The following ZBTB7C variants were observed in gnomAD, a reference collection of about 807,000 sequenced individuals.
ZBTB7C encodes the protein zinc finger and BTB domain containing 7C, also known as zinc finger and BTB domain-containing protein 7C.
In ZBTB7C, 8 loss-of-function variants were observed where a neutral mutation model predicts 25.7. That is an observed-to-expected ratio of 0.31 (90% confidence interval 0.18 to 0.56). The LOEUF (loss-of-function observed/expected upper bound fraction) is 0.56. ZBTB7C is among the 20% of genes least tolerant of loss of function. ZBTB7C has a pLI of 0.91. For missense variants in ZBTB7C, 824 were observed against 855.2 expected, an observed-to-expected ratio of 0.96 and a Z score of 0.46; for synonymous variants, 394 against 369.0, an observed-to-expected ratio of 1.07 and a Z score of -0.78.
intron 3 of ZBTB7C, among the ~76,000 whole-genome samples, chr18:48,153,837 C>T (rs1294740202): frequency 2.6e-5 from 4 of 152,208 alleles, no homozygotes; most frequent in Admixed American, 6.5e-5. Flanking sequence ...TGGGAATACA[C>T]ACACTCTGTG....
intron 1 of ZBTB7C, among the ~76,000 whole-genome samples, chr18:48,368,746 G>T (rs899557949): frequency 3.3e-5 from 5 of 152,084 alleles, no homozygotes; most frequent in Non-Finnish European, 5.9e-5. Flanking sequence ...AGGACAGCAG[G>T]TTTCTCATCA....
intron 1 of ZBTB7C, among the ~76,000 whole-genome samples, chr18:48,367,970 A>AG (rs531701001): frequency 1.2e-5 from 1 of 82,526 alleles, no homozygotes; most frequent in Non-Finnish European, 2.7e-5. Context: ...ACTGGAGGAG[A>AG]AAAAAAAAAA....
At chr18:48,328,043 G>A (rs1366481361) in intron 2 of ZBTB7C, among the ~76,000 whole-genome samples, 13 of 151,950 alleles carry the variant, frequency 8.6e-5, no homozygotes, top group Middle Eastern at 3.4e-3. Flanking sequence ...TTAGCCGGGC[G>A]TGGTGGCGGG....
chr18:48,395,461 A>G lies in ZBTB7C; in HGVS notation c.-304+13765T>C, dbSNP rs868592022. On this transcript the variant is annotated intron_variant, in intron 1 of 4. Coordinates refer to ENST00000590800, the MANE Select transcript of ZBTB7C (RefSeq NM_001318841.2). Reference sequence around the variant, plus strand: ...ATGTGTGCATGTGTGTTCTATTCAAATGTGTGTGTGTGTGTGTGTGTGTGT... The same window carrying G: ...ATGTGTGCATGTGTGTTCTATTCAAGTGTGTGTGTGTGTGTGTGTGTGTGT... 9.8e-4 allele frequency among the ~76,000 whole-genome samples: 82 copies of G among 83,574 alleles called. No homozygotes were observed. In the South Asian group the frequency reaches 0.018, roughly 19 times the overall value. The allele number at this position is 83,574 out of a possible 152,430, so 54.8% of individuals were successfully genotyped here.
At chr18:48,278,422 C>T (rs2044732228) in intron 2 of ZBTB7C, among the ~76,000 whole-genome samples, 1 of 151,964 alleles carries the variant, frequency 6.6e-6, no homozygotes, top group South Asian at 2.1e-4. Context: ...TCCACAGAAT[C>T]CTCCCCAAAT....
At chr18:48,323,215 A>T (rs998935769) in intron 2 of ZBTB7C, among the ~76,000 whole-genome samples, 4 of 152,210 alleles carry the variant, frequency 2.6e-5, no homozygotes, top group Admixed American at 6.5e-5. Context: ...TATCAATTTA[A>T]AAAAAAGCCA....
At chr18:48,239,256 T>G (rs4940347) in intron 2 of ZBTB7C, among the ~76,000 whole-genome samples, 151,023 of 152,242 alleles carry the variant, frequency 0.99, 74,914 homozygotes, top group Middle Eastern at 1. Context: ...GAAGACAAAA[T>G]AAATAATCTC....
chr18:48,339,926 C>A (rs895671057), intron 1 of ZBTB7C, among the ~76,000 whole-genome samples: 30 of 152,194 alleles, frequency 2.0e-4, no homozygotes, highest in African/African-American at 7.2e-4. Flanking sequence ...AGCCTCCCAG[C>A]AACTTGGCCC....
chr18:48,128,106 G>A (rs1178834950), intron 3 of ZBTB7C, among the ~76,000 whole-genome samples: 1 of 152,186 alleles, frequency 6.6e-6, no homozygotes, highest in Non-Finnish European at 1.5e-5. Context: ...AATCACTCCT[G>A]CCTGCCTGAA....
At chr18:48,069,883 G>T (rs565661086) in intron 3 of ZBTB7C, among the ~76,000 whole-genome samples, 2 of 152,284 alleles carry the variant, frequency 1.3e-5, no homozygotes, top group South Asian at 2.1e-4. Flanking sequence ...TAAGGAAATG[G>T]CTTCAGGGGA....
intron 2 of ZBTB7C, among the ~76,000 whole-genome samples, chr18:48,318,743 A>G (rs1269515487): frequency 6.6e-6 from 1 of 152,040 alleles, no homozygotes; most frequent in Non-Finnish European, 1.5e-5. Context: ...CACCACTTTC[A>G]TTGGTTCCTA....
intron 3 of ZBTB7C, among the ~76,000 whole-genome samples, chr18:48,168,821 T>A (rs1045148016): frequency 1.3e-5 from 2 of 152,352 alleles, no homozygotes; most frequent in South Asian, 2.1e-4. Flanking sequence ...GGCATAAACA[T>A]GGCTTCTTAT....
chr18:48,138,932 G>A (rs1202713576), intron 3 of ZBTB7C, among the ~76,000 whole-genome samples: 1 of 152,216 alleles, frequency 6.6e-6, no homozygotes, highest in Non-Finnish European at 1.5e-5. Context: ...GGTGGAGGTG[G>A]GGTGGGTGCA....
At chr18:48,041,301 C>T in intron 3 of ZBTB7C, 178 bp from the exon 4 acceptor site, 1 of 985,398 alleles carries the variant, frequency 1.0e-6, no homozygotes, top group South Asian at 4.7e-5. Context: ...GGCTTACAAG[C>T]TGGGGCTTTT....
At chr18:48,258,261 C>T (rs1026540367) in intron 2 of ZBTB7C, among the ~76,000 whole-genome samples, 2 of 152,100 alleles carry the variant, frequency 1.3e-5, no homozygotes, top group Non-Finnish European at 2.9e-5. Flanking sequence ...AAAAAGCACC[C>T]AGATTGGAGC....
chr18:48,142,278 C>T (rs1178771046), intron 3 of ZBTB7C, among the ~76,000 whole-genome samples: 1 of 152,230 alleles, frequency 6.6e-6, no homozygotes, highest in Non-Finnish European at 1.5e-5. Context: ...AAGGCAAGGG[C>T]AAGGAGCTGT....
chr18:48,026,944 GGCGGGATGTGGC>G lies in ZBTB7C; in HGVS notation c.*2304_*2315del, dbSNP rs1486935150. On this transcript the variant is annotated 3_prime_UTR_variant, in exon 5 of 5. Coordinates refer to ENST00000590800, the MANE Select transcript of ZBTB7C (RefSeq NM_001318841.2). ...AGAAAATTAGCTGAGAGTTTTTCTC[GGCGGGATGTGGC>G]GTGCGACCGAAGTTATGGAAGATTG... is the stretch of plus-strand genomic sequence containing the variant. 6.6e-6 allele frequency: 1 copy of G among 151,570 alleles called. No homozygotes were observed. Among genetic ancestry groups the G allele is most frequent in the Non-Finnish European group, 1.5e-5 (1 of 67,912 alleles). 9.4% of individuals were successfully genotyped at this position (151,570 alleles called of 1,614,324 possible).
intron 4 of ZBTB7C, among the ~76,000 whole-genome samples, chr18:48,037,986 C>T (rs931433716): frequency 2.0e-5 from 3 of 152,190 alleles, no homozygotes; most frequent in Admixed American, 6.5e-5. Context: ...GCTTATCTCC[C>T]TCGGTATTCC....
chr18:48,404,157 CAGG>C (rs532971598), intron 1 of ZBTB7C, among the ~76,000 whole-genome samples: 42 of 152,098 alleles, frequency 2.8e-4, no homozygotes, highest in Non-Finnish European at 5.4e-4. Flanking sequence ...GAAGCTGAGG[CAGG>C]AGAATTGCTT....
Sources: gnomAD v4.1 joint callset for allele counts (sites outside exome capture counted in the v4.1 genomes callset) on GRCh38, gnomAD v4.1.1 for gene constraint, MANE v1.5 for transcripts, NCBI Gene and HGNC (gene_info 2026-07-23, HGNC 2026-07-21) for gene names.